The following TAFA5 variants were observed in gnomAD, a reference collection of about 807,000 sequenced individuals.
TAFA5 encodes TAFA chemokine like family member 5.
TAFA5 carries 6 observed loss-of-function variants against 15.3 expected under a neutral mutation model. That is an observed-to-expected ratio of 0.39 (90% CI 0.21 to 0.77). The LOEUF is 0.77. Among genes scored for constraint, TAFA5 ranks in the 30% least tolerant of loss-of-function variants. The pLI, the probability that TAFA5 is intolerant of heterozygous loss-of-function variation, is 0.41. For missense variants in TAFA5, 161 were observed against 193.1 expected (o/e 0.83, Z 0.98); for synonymous variants, 103 against 80.7 (o/e 1.28, Z -1.48).
chr22:48,664,925 C>T (rs1196599319), intron 2 of TAFA5, among the ~76,000 whole-genome samples: 1 of 152,184 alleles, frequency 6.6e-6, no homozygotes, highest in Non-Finnish European at 1.5e-5. Context: ...CTCCGAGTGG[C>T]TGTGTCCACT....
At chr22:48,693,690 T>C (rs1928612525) in intron 2 of TAFA5, among the ~76,000 whole-genome samples, 1 of 152,070 alleles carries the variant, frequency 6.6e-6, no homozygotes, top group South Asian at 2.1e-4. Flanking sequence ...TTGGTCCTGC[T>C]CCAGGCCTCA....
intron 1 of TAFA5, among the ~76,000 whole-genome samples, chr22:48,582,411 CACAAAATACACCACAT>C (rs1924088109): frequency 6.6e-6 from 1 of 151,124 alleles, no homozygotes; most frequent in Non-Finnish European, 1.5e-5. Context: ...ATACACCACA[CACAAAATACACCACAT>C]ACCACACACA....
intron 1 of TAFA5, among the ~76,000 whole-genome samples, chr22:48,585,580 C>A (rs1924320402): frequency 6.6e-6 from 1 of 151,494 alleles, no homozygotes; most frequent in African/African-American, 2.4e-5. Context: ...ACCGCAGACA[C>A]ACAATACACC....
intron 1 of TAFA5, among the ~76,000 whole-genome samples, chr22:48,642,095 C>T (rs1380105126): frequency 6.6e-6 from 1 of 151,736 alleles, no homozygotes; most frequent in Non-Finnish European, 1.5e-5. Flanking sequence ...AGGGGGGCAG[C>T]CTGGTGAAGG....
intron 1 of TAFA5, chr22:48,576,708 G>A (rs1167749089): frequency 9.2e-7 from 1 of 1,081,398 alleles, no homozygotes; most frequent in Non-Finnish European, 1.2e-6. Context: ...CTGCGGGCCC[G>A]GAGCGGCCGG....
intron 1 of TAFA5, among the ~76,000 whole-genome samples, chr22:48,644,089 C>G (rs184279608): frequency 6.6e-6 from 1 of 152,356 alleles, no homozygotes; most frequent in East Asian, 1.9e-4. Context: ...CCCGGATGCT[C>G]TTTCCTCGTG....
intron 2 of TAFA5, among the ~76,000 whole-genome samples, chr22:48,661,687 CT>C: frequency 6.6e-6 from 1 of 152,330 alleles, no homozygotes; most frequent in East Asian, 1.9e-4. Flanking sequence ...TTCCCCCACC[CT>C]CCTGGACAGC....
chr22:48,643,422 G>A (rs1926753124), intron 1 of TAFA5, among the ~76,000 whole-genome samples: 1 of 152,188 alleles, frequency 6.6e-6, no homozygotes, highest in South Asian at 2.1e-4. Context: ...GTGTTCGGTT[G>A]GCCGTGGCTG....
rs771819780 is a variant in TAFA5, at chr22:48,489,599, C to T, written c.7C>T (p.Pro3Ser). The T allele has an allele frequency of 2.7e-6, 4 of 1,474,062 alleles. No homozygotes were observed. Among genetic ancestry groups the T allele is most frequent in the Non-Finnish European group, 2.7e-6 (3 of 1,106,806 alleles). 91.3% of individuals were successfully genotyped at this position (1,474,062 alleles called of 1,614,324 possible). A position where few individuals can be genotyped will look rare whatever the true frequency, so the allele number is the denominator to read the frequency against. Residue 3 changes from proline (P) to serine (S), a missense_variant, in exon 1 of 4, where the codon CCA (proline) becomes TCA (serine). Transcript: ENST00000402357. This position sits in a 1 kb window ranked among gnomAD's most constrained non-coding sequence, Gnocchi z 5.5. MA[P>S]SPRTGSRQDA... ...CGCGGGCGCCGCGGCTTCAATGGCG[C>T]CATCGCCCAGGACCGGCAGCCGGCA...
intron 1 of TAFA5, among the ~76,000 whole-genome samples, chr22:48,518,738 ACGCCCAGTGAGACTCCAGCCCAGCTTT>A (rs1369680791): frequency 6.6e-6 from 1 of 152,170 alleles, no homozygotes; most frequent in Non-Finnish European, 1.5e-5. Flanking sequence ...GGTCACGGTC[ACGCCCAGTGAGACTCCAGCCCAGCTTT>A]CCGGAGTGCT....
chr22:48,564,596 C>T (rs1002857139), intron 1 of TAFA5, among the ~76,000 whole-genome samples: 3 of 152,172 alleles, frequency 2.0e-5, no homozygotes, highest in Non-Finnish European at 2.9e-5. Flanking sequence ...GTCTTCTTCC[C>T]AAGGGTGAGG....
chr22:48,667,299 G>A (rs1601656581), intron 2 of TAFA5, among the ~76,000 whole-genome samples: 1 of 149,666 alleles, frequency 6.7e-6, no homozygotes, highest in African/African-American at 2.4e-5. Context: ...ACGGTGTGAT[G>A]ATTTACCTGT....
intron 1 of TAFA5, among the ~76,000 whole-genome samples, chr22:48,503,667 G>A (rs1004838299): frequency 1.3e-5 from 2 of 152,200 alleles, no homozygotes; most frequent in Admixed American, 6.5e-5. Context: ...GAAAATAGAC[G>A]TGCATTTGCT....
At chr22:48,653,109 C>A (rs1049760755) in intron 2 of TAFA5, among the ~76,000 whole-genome samples, 1 of 152,186 alleles carries the variant, frequency 6.6e-6, no homozygotes, top group Non-Finnish European at 1.5e-5. Flanking sequence ...CCACCCGCGG[C>A]CTTTTTGTTA....
intron 1 of TAFA5, among the ~76,000 whole-genome samples, chr22:48,575,582 C>T (rs1923744635): frequency 6.8e-6 from 1 of 146,128 alleles, no homozygotes; most frequent in Non-Finnish European, 1.5e-5. Flanking sequence ...GCCGGCCCCA[C>T]CTGTAGGCGC....
chr22:48,694,548 G>C (rs1441157699), intron 2 of TAFA5, among the ~76,000 whole-genome samples: 1 of 152,074 alleles, frequency 6.6e-6, no homozygotes, highest in East Asian at 1.9e-4. Flanking sequence ...TGAGCCCTGA[G>C]CCCAGGAAGC....
At chr22:48,709,441 T>C (rs551137900) in intron 3 of TAFA5, among the ~76,000 whole-genome samples, 41 of 152,008 alleles carry the variant, frequency 2.7e-4, no homozygotes, top group African/African-American at 9.2e-4. Context: ...CCGCCCTGAG[T>C]CTCCAGCAAC....
chr22:48,550,553 C>G lies in TAFA5; in HGVS notation c.112+60849C>G, dbSNP rs1229180464. Among the ~76,000 whole-genome samples the G allele has an allele frequency of 1.3e-5, 2 of 152,210 alleles. No homozygotes were observed. The highest frequency in any genetic ancestry group is 2.9e-5 in the Non-Finnish European group (2 of 68,020). On this transcript the variant is annotated intron_variant, in intron 1 of 3. Transcript: ENST00000402357. This position sits in a 1 kb window ranked among gnomAD's most constrained non-coding sequence, Gnocchi z 4.1. ...TGTGAAGGAGTGTCTTGTATCAAAG[C>G]AGATATGCCCTGCCCCCTACCCTCA...
intron 3 of TAFA5, among the ~76,000 whole-genome samples, chr22:48,728,807 T>TA (rs1929779912): frequency 6.6e-6 from 1 of 152,306 alleles, no homozygotes; most frequent in Admixed American, 6.5e-5. Flanking sequence ...AAGAAAGGCA[T>TA]GGAGTGTGTC....
Sources: allele counts gnomAD v4.1 joint callset (sites outside exome capture counted in the v4.1 genomes callset), GRCh38; gene constraint gnomAD v4.1.1; non-coding constraint Gnocchi (gnomAD v3.1); transcripts MANE v1.5; gene names NCBI Gene and HGNC (gene_info 2026-07-23, HGNC 2026-07-21).